Variants in HSBP1 observed in about 807,000 individuals in gnomAD.
HSBP1 encodes the protein heat shock factor binding protein 1.
HSBP1 carries 5 observed loss-of-function variants against 9.6 expected under a neutral mutation model. The observed-to-expected ratio is 0.52, with a 90% CI of 0.27 to 1.09. The LOEUF is 1.09. Ranked by LOEUF, HSBP1 falls within the 50% of genes least tolerant of loss-of-function variation. HSBP1 has a pLI of 0.11. For missense variants in HSBP1, 121 were observed against 96.3 expected, an observed-to-expected ratio of 1.26 and a Z score of -1.07; for synonymous variants, 42 against 33.3, an observed-to-expected ratio of 1.26 and a Z score of -0.90.
chr16:83,808,572 A>G (rs867313625), intron 1 of HSBP1, 108 bp from the exon 2 acceptor site: 2 of 794,394 alleles, frequency 2.5e-6, no homozygotes, highest in Admixed American at 2.3e-5. Flanking sequence ...ACAGCTGTCC[A>G]GAGGCAGAAA....
Position 83,808,669 on chromosome 16 carries a change from G to C in HSBP1, c.46-11G>C. ...ATGTGGACCGTGTTTGTTTGTTTCGGTTTTTCTTAGGTGCAGACACTCCTG... is the reference window on the plus strand; with the variant it reads ...ATGTGGACCGTGTTTGTTTGTTTCGCTTTTTCTTAGGTGCAGACACTCCTG... On this transcript the variant is annotated splice_polypyrimidine_tract_variant and intron_variant, in intron 1 of 3. Transcript: ENST00000433866. The C allele has an allele frequency of 6.2e-7, 1 of 1,608,148 alleles. No individual in the cohort carries two copies. The highest frequency in any genetic ancestry group is 8.5e-7 in the Non-Finnish European group (1 of 1,175,654).
intron 1 of HSBP1, 108 bp downstream of exon 1, chr16:83,808,229 A>T (rs1436386285): frequency 1.0e-6 from 1 of 959,668 alleles, no homozygotes; most frequent in Admixed American, 3.3e-5. Flanking sequence ...GCGTCTGCCG[A>T]GGCCCCGTTT....
chr16:83,809,172 G>A, intron 2 of HSBP1, 133 bp from the exon 3 acceptor site: 1 of 638,074 alleles, frequency 1.6e-6, no homozygotes, highest in Non-Finnish European at 2.8e-6. Flanking sequence ...TTACCCACCA[G>A]CGTGTAACAG....
rs1904623228 is a variant in HSBP1, at chr16:83,812,488, C to T, written c.*1070C>T. 6.6e-6 allele frequency: 1 copy of T among 152,172 alleles called. No individual in the cohort carries two copies. The highest frequency in any genetic ancestry group is 2.1e-4 in the South Asian group (1 of 4,834). 9.4% of individuals were successfully genotyped at this position (152,172 alleles called of 1,614,324 possible). ...AAACCTAGAGGCCAATACTGATGAC[C>T]TGGAAGGTGATCCATATGATTGTCA... On this transcript the variant is annotated 3_prime_UTR_variant, in exon 4 of 4. Coordinates refer to ENST00000433866, the MANE Select transcript of HSBP1 (RefSeq NM_001537.4).
chr16:83,809,218 G>A (rs1904538380), intron 2 of HSBP1, 87 bp from the exon 3 acceptor site: 1 of 809,890 alleles, frequency 1.2e-6, no homozygotes, highest in Non-Finnish European at 2.0e-6. Flanking sequence ...TTTCCCTAAA[G>A]TCGTTGTGTT....
chr16:83,812,309 G>T lies in HSBP1; in HGVS notation c.*891G>T, dbSNP rs747505052. On this transcript the variant is annotated 3_prime_UTR_variant, in exon 4 of 4. Transcript: ENST00000433866. ...GTTGCTTGGCTAGAATATGATCAAC[G>T]ACTTGTAGTAGACTCAAGTTTTTAA... 1.3e-5 allele frequency: 2 copies of T among 152,440 alleles called. No individual in the cohort carries two copies. The highest frequency in any genetic ancestry group is 2.4e-5 in the African/African-American group (1 of 41,446). The allele number at this position is 152,440 out of a possible 1,614,324, so 9.4% of individuals were successfully genotyped here.
In HSBP1 at chr16:83,811,911, G is replaced by T; in HGVS notation, c.*493G>T. The stretch of plus-strand genomic sequence containing the variant: ...GTGTGTTGGCAATACTTTTCAAATG[G>T]CTGAAAACACCTAAAAATTGTTCAT... On this transcript the variant is annotated 3_prime_UTR_variant, in exon 4 of 4. Transcript: ENST00000433866. 6.6e-6 allele frequency: 1 copy of T among 152,256 alleles called. No homozygotes were observed. The highest frequency in any genetic ancestry group is 1.9e-4 in the East Asian group (1 of 5,200). 9.4% of individuals were successfully genotyped at this position (152,256 alleles called of 1,614,324 possible).
chr16:83,816,432 T>G lies in HSBP1; in HGVS notation c.*5014T>G, dbSNP rs999571148. 1 of 151,922 alleles carries G rather than the reference T, an allele frequency of 6.6e-6. No individual in the cohort carries two copies. Among genetic ancestry groups the G allele is most frequent in the African/African-American group, 2.4e-5 (1 of 41,344 alleles). The allele number at this position is 151,922 out of a possible 1,614,324, so 9.4% of individuals were successfully genotyped here. A position where few individuals can be genotyped will look rare whatever the true frequency, so the allele number is the denominator to read the frequency against. On this transcript the variant is annotated 3_prime_UTR_variant, in exon 4 of 4. Coordinates refer to ENST00000433866, the MANE Select transcript of HSBP1 (RefSeq NM_001537.4). ...AAAAAACAAAAAAATAAATAAAAAATAAAAAGACCCAACCCCAGATTTGTT... is the reference window on the plus strand; with the variant it reads ...AAAAAACAAAAAAATAAATAAAAAAGAAAAAGACCCAACCCCAGATTTGTT...
Position 83,818,197 on chromosome 16 carries a change from C to T in HSBP1, c.*6779C>T, listed in dbSNP as rs1047662737. On this transcript the variant is annotated 3_prime_UTR_variant, in exon 4 of 4. Transcript: ENST00000433866. Reference sequence around the variant, plus strand: ...TGGAAGGTTGATTATATCAGATGCGCATTTTGCCAGCATCCTCAGAAGGAG... The same window carrying T: ...TGGAAGGTTGATTATATCAGATGCGTATTTTGCCAGCATCCTCAGAAGGAG... 3 of 152,176 alleles carry T rather than the reference C, an allele frequency of 2.0e-5. No individual in the cohort carries two copies. Among genetic ancestry groups the T allele is most frequent in the African/African-American group, 7.2e-5 (3 of 41,430 alleles). The allele number at this position is 152,176 out of a possible 1,614,324, so 9.4% of individuals were successfully genotyped here.
At position 83,818,059 on chromosome 16, in the gene HSBP1, C is replaced by G. The variant is rs1047329754; in HGVS notation, c.*6641C>G. The stretch of plus-strand genomic sequence containing the variant: ...AAAGAATGTTTTGAAAGCCATCTGT[C>G]AAAAGTACGCAGTCTTGCTTGTAGA... On this transcript the variant is annotated 3_prime_UTR_variant, in exon 4 of 4. Transcript: ENST00000433866. 2 of 152,194 alleles carry G rather than the reference C, an allele frequency of 1.3e-5. No homozygotes were observed. The highest frequency in any genetic ancestry group is 4.8e-5 in the African/African-American group (2 of 41,446). 9.4% of individuals were successfully genotyped at this position (152,194 alleles called of 1,614,324 possible). A position where few individuals can be genotyped will look rare whatever the true frequency, so the allele number is the denominator to read the frequency against.
rs1005689733 is a variant in HSBP1 at position 83,813,796 on chromosome 16, C to T, written c.*2378C>T. The T allele has an allele frequency of 6.6e-6, 1 of 152,212 alleles. No homozygotes were observed. Among genetic ancestry groups the T allele is most frequent in the African/African-American group, 2.4e-5 (1 of 41,440 alleles). The allele number at this position is 152,212 out of a possible 1,614,324, so 9.4% of individuals were successfully genotyped here. A position where few individuals can be genotyped will look rare whatever the true frequency, so the allele number is the denominator to read the frequency against. ...TGTCTCAAACCCCAAGGCCCCACAGCTTCTTCATTTGGCCCCTAGTTCATC... is the reference window on the plus strand; with the variant it reads ...TGTCTCAAACCCCAAGGCCCCACAGTTTCTTCATTTGGCCCCTAGTTCATC... On this transcript the variant is annotated 3_prime_UTR_variant, in exon 4 of 4. Coordinates refer to ENST00000433866, the MANE Select transcript of HSBP1 (RefSeq NM_001537.4).
In HSBP1 at chr16:83,817,025, G is replaced by C. The variant is rs1050015967; in HGVS notation, c.*5607G>C. 1.3e-5 allele frequency: 2 copies of C among 152,230 alleles called. No homozygotes were observed. The highest frequency in any genetic ancestry group is 2.9e-5 in the Non-Finnish European group (2 of 68,052). The allele number at this position is 152,230 out of a possible 1,614,324, so 9.4% of individuals were successfully genotyped here. A position where few individuals can be genotyped will look rare whatever the true frequency, so the allele number is the denominator to read the frequency against. On this transcript the variant is annotated 3_prime_UTR_variant, in exon 4 of 4. Coordinates refer to ENST00000433866, the MANE Select transcript of HSBP1 (RefSeq NM_001537.4). ...GACTGTCAACCTTGGTGGCACATTA[G>C]AATCACCTGGGGAGCAGTTCAAAGG...
rs745895994 is a variant in HSBP1, at chr16:83,810,774, A to T, written c.*3-647A>T. The stretch of plus-strand genomic sequence containing the variant: ...CAGTGAGTCGTGATGATGCCACTGC[A>T]CTCCAGCCTGGGAGACAGAGCAAGA... On this transcript the variant is annotated intron_variant, in intron 3 of 3. Coordinates refer to ENST00000433866, the MANE Select transcript of HSBP1 (RefSeq NM_001537.4). Among the ~76,000 whole-genome samples, 93 of 152,088 alleles carry T rather than the reference A, an allele frequency of 6.1e-4. 2 individuals carry two copies. The highest frequency in any genetic ancestry group is 2.2e-4 in the Non-Finnish European group (15 of 68,022).
intron 2 of HSBP1, 83 bp from the exon 3 acceptor site, chr16:83,809,221 GT>G (rs1161466379): frequency 1.2e-6 from 1 of 832,050 alleles, no homozygotes; most frequent in South Asian, 1.6e-5. Context: ...CCCTAAAGTC[GT>G]TGTGTTTAAG....
chr16:83,813,312 A>G lies in HSBP1; in HGVS notation c.*1894A>G, dbSNP rs1292808250. The stretch of plus-strand genomic sequence containing the variant: ...GTGAACCTCATGAAGAAATTAGCAT[A>G]TTAAAGACTCTGAAAGTAGAGCAGA... On this transcript the variant is annotated 3_prime_UTR_variant, in exon 4 of 4. Coordinates refer to ENST00000433866, the MANE Select transcript of HSBP1 (RefSeq NM_001537.4). 6.6e-6 allele frequency: 1 copy of G among 152,238 alleles called. No homozygotes were observed. Among genetic ancestry groups the G allele is most frequent in the East Asian group, 1.9e-4 (1 of 5,196 alleles). 9.4% of individuals were successfully genotyped at this position (152,238 alleles called of 1,614,324 possible). A position where few individuals can be genotyped will look rare whatever the true frequency, so the allele number is the denominator to read the frequency against.
At chr16:83,808,635 T>C (rs1904520139) in intron 1 of HSBP1, 45 bp from the exon 2 acceptor site, 1 of 1,520,982 alleles carries the variant, frequency 6.6e-7, no homozygotes, top group Non-Finnish European at 9.1e-7. Flanking sequence ...GGAAGTTGTC[T>C]CAGGATCGAT....
chr16:83,808,151 G>C, intron 1 of HSBP1, 30 bp downstream of exon 1: 1 of 1,537,470 alleles, frequency 6.5e-7, no homozygotes. Context: ...GCCGGAGGCC[G>C]CGGCCTTCCC....
chr16:83,810,767 C>T (rs1904584237), intron 3 of HSBP1, among the ~76,000 whole-genome samples: 1 of 152,046 alleles, frequency 6.6e-6, no homozygotes, highest in Non-Finnish European at 1.5e-5. Flanking sequence ...CGTGATGATG[C>T]CACTGCACTC....
At position 83,809,239 on chromosome 16, in the gene HSBP1, G is replaced by C. The variant is rs77309135; in HGVS notation, c.113-66G>C. 20,286 of 1,009,674 alleles carry C rather than the reference G, an allele frequency of 0.02. 294 individuals carry two copies. The highest frequency in any genetic ancestry group is 0.024 in the Middle Eastern group (119 of 4,926). 62.5% of individuals were successfully genotyped at this position (1,009,674 alleles called of 1,614,324 possible). A position where few individuals can be genotyped will look rare whatever the true frequency, so the allele number is the denominator to read the frequency against. ...TAAAGTCGTTGTGTTTAAGGCTGTA[G>C]TCTGCAGGGACGGGAGGAAAAAGGC... On this transcript the variant is annotated intron_variant, in intron 2 of 3. Transcript: ENST00000433866.
Sources: gnomAD v4.1 joint callset for allele counts (sites outside exome capture counted in the v4.1 genomes callset) on GRCh38, gnomAD v4.1.1 for gene constraint, MANE v1.5 for transcripts, NCBI Gene and HGNC (gene_info 2026-07-23, HGNC 2026-07-21) for gene names.